Variants in MRTFA observed in about 807,000 individuals in gnomAD.
MRTFA encodes the protein myocardin-related transcription factor A.
A neutral mutation model predicts 83.5 loss-of-function variants in MRTFA; 20 were observed. The observed-to-expected ratio is 0.24, with a 90% CI of 0.17 to 0.35. MRTFA has a LOEUF of 0.35. Ranked by LOEUF, MRTFA falls within the 10% of genes least tolerant of loss-of-function variation. The pLI, the probability that MRTFA is intolerant of heterozygous loss-of-function variation, is 1.00. For synonymous variants in MRTFA, 659 were observed against 541.2 expected, an observed-to-expected ratio of 1.22 and a Z score of -3.02; for missense variants, 1,200 against 1,224.7, an observed-to-expected ratio of 0.98 and a Z score of 0.30.
rs575170086 is a variant in MRTFA at position 40,588,740 on chromosome 22, G to C, written c.-22+5934C>G. ...CTCACACCTATAATCCCAATGCTTTGGGAAGCCAAAGGCAGAGGACTGCTC... is the reference window on the plus strand; with the variant it reads ...CTCACACCTATAATCCCAATGCTTTCGGAAGCCAAAGGCAGAGGACTGCTC... On this transcript the variant is annotated intron_variant, in intron 2 of 14. Coordinates refer to ENST00000355630, the MANE Select transcript of MRTFA (RefSeq NM_020831.6). Among the ~76,000 whole-genome samples the C allele has an allele frequency of 5.3e-5, 8 of 152,264 alleles. No homozygotes were observed. The South Asian group carries it at 1.7e-3, about 32-fold the overall frequency.
At chr22:40,604,163 C>G (rs1401751547) in intron 1 of MRTFA, among the ~76,000 whole-genome samples, 1 of 148,488 alleles carries the variant, frequency 6.7e-6, no homozygotes, top group African/African-American at 2.5e-5. Context: ...CAGAGTCTTG[C>G]TCTGTCGCCC....
chr22:40,494,024 GGA>G (rs1569295827), intron 3 of MRTFA, among the ~76,000 whole-genome samples: 2 of 152,238 alleles, frequency 1.3e-5, no homozygotes, highest in East Asian at 3.9e-4. Flanking sequence ...GTCTAAAGTG[GGA>G]GAGAGAAACT....
At chr22:40,503,568 C>T (rs774958070) in intron 3 of MRTFA, among the ~76,000 whole-genome samples, 10 of 152,098 alleles carry the variant, frequency 6.6e-5, no homozygotes, top group South Asian at 4.1e-4. Context: ...CTTGAGACTC[C>T]GATATTATTG....
At chr22:40,463,330 G>A in intron 3 of MRTFA, 44 bp from the exon 4 acceptor site, 1 of 1,520,108 alleles carries the variant, frequency 6.6e-7, no homozygotes, top group South Asian at 1.1e-5. Context: ...GGTCAGTTGG[G>A]TATTCCACCT....
Position 40,597,909 on chromosome 22 carries a change from A to C in MRTFA, c.-83-3174T>G, listed in dbSNP as rs115800046. ...TGTTCTAATGTGCTAGTTTGTCCAC[A>C]TATTAATCGAGTCTGCCAGGTTTGA... is the stretch of plus-strand genomic sequence containing the variant. On this transcript the variant is annotated intron_variant, in intron 1 of 14. Transcript: ENST00000355630. Among the ~76,000 whole-genome samples the C allele has an allele frequency of 7.0e-3, 1,067 of 152,358 alleles. 13 individuals carry two copies. Among genetic ancestry groups the C allele is most frequent in the African/African-American group, 0.025 (1,023 of 41,586 alleles).
rs535630431 is a variant in MRTFA, at chr22:40,463,178, C to T, written c.307+43G>A. On this transcript the variant is annotated intron_variant, in intron 4 of 14. Transcript: ENST00000355630. ...GCATACTCGGTGAACACAGCCATGT[C>T]CTAAAAGCAATCTACCAAATGCTGA... The T allele has an allele frequency of 3.2e-6, 5 of 1,560,742 alleles. No homozygotes were observed. The South Asian group carries it at 5.6e-5, about 17-fold the overall frequency.
chr22:40,608,154 A>T, intron 1 of MRTFA, among the ~76,000 whole-genome samples: 1 of 152,152 alleles, frequency 6.6e-6, no homozygotes, highest in Non-Finnish European at 1.5e-5. Flanking sequence ...ACTCCCGAGT[A>T]GTTGGGACTA....
intron 4 of MRTFA, among the ~76,000 whole-genome samples, chr22:40,446,438 G>A (rs578130176): frequency 6.6e-6 from 1 of 152,136 alleles, no homozygotes; most frequent in African/African-American, 2.4e-5. Flanking sequence ...TTAGGGAAGT[G>A]GGGGAGAAAC....
At chr22:40,598,264 A>G (rs2056216347) in intron 1 of MRTFA, among the ~76,000 whole-genome samples, 1 of 150,840 alleles carries the variant, frequency 6.6e-6, no homozygotes, top group Non-Finnish European at 1.5e-5. Flanking sequence ...ACCATCTTAT[A>G]TAAAGGTTGT....
chr22:40,569,724 CATACATACAT>C (rs1342918642), intron 2 of MRTFA: 2 of 11,200 alleles, frequency 1.8e-4, no homozygotes, highest in Non-Finnish European at 7.7e-4. Flanking sequence ...TTAATACATA[CATACATACAT>C]ACATACATAC....
At chr22:40,437,103 T>G (rs2053185862) in intron 4 of MRTFA, among the ~76,000 whole-genome samples, 1 of 152,146 alleles carries the variant, frequency 6.6e-6, no homozygotes, top group African/African-American at 2.4e-5. Context: ...AAGGGGGAGC[T>G]CTAGATTTAA....
chr22:40,508,539 A>C (rs866480306), intron 3 of MRTFA, among the ~76,000 whole-genome samples: 2,009 of 149,092 alleles, frequency 0.013, 56 homozygotes, highest in African/African-American at 0.048. Flanking sequence ...AAAAAAAAAA[A>C]AGGATTCATT....
chr22:40,418,249 G>A, intron 12 of MRTFA, 125 bp downstream of exon 12: 1 of 1,485,640 alleles, frequency 6.7e-7, no homozygotes, highest in East Asian at 2.4e-5. Flanking sequence ...CCCTGGTGAA[G>A]GAAGATTAAA....
At chr22:40,496,767 T>C (rs929168628) in intron 3 of MRTFA, among the ~76,000 whole-genome samples, 1 of 148,614 alleles carries the variant, frequency 6.7e-6, no homozygotes, top group Non-Finnish European at 1.5e-5. Flanking sequence ...TTTGTTTATC[T>C]GTATCTTCTA....
chr22:40,539,339 ATTTTTT>A (rs567459121), intron 3 of MRTFA, among the ~76,000 whole-genome samples: 10 of 129,550 alleles, frequency 7.7e-5, no homozygotes, highest in African/African-American at 2.9e-4. Context: ...GTTATTAACA[ATTTTTT>A]TTTTTTTTTT....
intron 4 of MRTFA, among the ~76,000 whole-genome samples, chr22:40,461,292 C>T (rs2053707576): frequency 6.6e-6 from 1 of 151,608 alleles, no homozygotes; most frequent in Admixed American, 6.6e-5. Context: ...AGAAATGGAC[C>T]CTATCACTAT....
At chr22:40,587,380 A>G in intron 2 of MRTFA, 1 of 389,280 alleles carries the variant, frequency 2.6e-6, no homozygotes, top group Non-Finnish European at 5.0e-6. Flanking sequence ...CATCTTCATT[A>G]GAGACGATGC....
At chr22:40,613,991 G>A (rs965355324) in intron 1 of MRTFA, among the ~76,000 whole-genome samples, 1 of 151,990 alleles carries the variant, frequency 6.6e-6, no homozygotes, top group East Asian at 1.9e-4. Context: ...CCTGAGGTTG[G>A]GAGTTTGAGA....
chr22:40,565,054 G>C (rs527710643), intron 2 of MRTFA, among the ~76,000 whole-genome samples: 2 of 152,186 alleles, frequency 1.3e-5, no homozygotes, highest in African/African-American at 4.8e-5. Flanking sequence ...TCACCAGCTA[G>C]AAGAAACAGA....
Sources: gnomAD v4.1 joint callset for allele counts (sites outside exome capture counted in the v4.1 genomes callset) on GRCh38, gnomAD v4.1.1 for gene constraint, MANE v1.5 for transcripts, NCBI Gene and HGNC (gene_info 2026-07-23, HGNC 2026-07-21) for gene names.